The following KIF21B variants were observed in gnomAD, a reference collection of about 807,000 sequenced individuals.
KIF21B encodes kinesin-like protein KIF21B.
A neutral mutation model predicts 192.9 loss-of-function variants in KIF21B; 85 were observed. That is an observed-to-expected ratio of 0.44 (90% confidence interval 0.37 to 0.53). The LOEUF (loss-of-function observed/expected upper bound fraction) is 0.53. Ranked by LOEUF, KIF21B falls within the 20% of genes least tolerant of loss-of-function variation. KIF21B has a pLI of 0.00. For synonymous variants in KIF21B, 832 were observed against 884.6 expected, an observed-to-expected ratio of 0.94 and a Z score of 1.05; for missense variants, 1,716 against 2,194.8, an observed-to-expected ratio of 0.78 and a Z score of 4.36.
At position 200,999,536 on chromosome 1, in the gene KIF21B, G is replaced by A. The variant is rs1019391080; in HGVS notation, c.1768-70C>T. On this transcript the variant is annotated intron_variant, in intron 12 of 34. Transcript: ENST00000461742. This position sits in a 1 kb window ranked among gnomAD's most constrained non-coding sequence, Gnocchi z 4.7. The stretch of plus-strand genomic sequence containing the variant: ...GAGCCCAGAAGCAGAGGTGCATCCC[G>A]ACACAATGCCTCAGGTGTGTCAGGA... 1.3e-5 allele frequency: 20 copies of A among 1,576,398 alleles called. No homozygotes were observed. The East Asian group carries it at 2.0e-4, about 16-fold the overall frequency.
chr1:201,012,027 G>T (rs930604873), intron 1 of KIF21B, among the ~76,000 whole-genome samples: 1 of 152,224 alleles, frequency 6.6e-6, no homozygotes, highest in Admixed American at 6.5e-5. Context: ...GATCAAGACA[G>T]TGGGCAGAAC....
Position 200,992,352 on chromosome 1 carries a change from C to T in KIF21B, c.2315G>A (p.Arg772Gln), listed in dbSNP as rs752174472. 9.3e-6 allele frequency: 15 copies of T among 1,613,196 alleles called. No homozygotes were observed. The highest frequency in any genetic ancestry group is 5.5e-5 in the South Asian group (5 of 91,094). ...LMKQMREEQQRRRLVETKRNR... is the reference protein window; with the variant it reads ...LMKQMREEQQQRRLVETKRNR... ...CCTCTTGGTCTCCACTAGCCGCCGC[C>T]GCTGTTGCTCCTCACGCATCTGCTT... Residue 772 changes from arginine (R) to glutamine (Q), a missense_variant, in exon 16 of 35, where the codon CGG becomes CAG. By Grantham distance (43) the Arg-to-Gln change is conservative (BLOSUM62 1). Transcript: ENST00000461742.
intron 1 of KIF21B, among the ~76,000 whole-genome samples, chr1:201,010,333 G>A (rs1162178540): frequency 6.6e-6 from 1 of 151,830 alleles, no homozygotes; most frequent in Non-Finnish European, 1.5e-5. Context: ...AGCCTGGGGT[G>A]CGCTCCCAAC....
chr1:200,981,188 C>G (rs1231174494), intron 28 of KIF21B, 92 bp from the exon 29 acceptor site: 2 of 1,376,982 alleles, frequency 1.5e-6, no homozygotes, highest in East Asian at 2.5e-5. Flanking sequence ...GGGGACAGGG[C>G]AGGGAGGGGA....
At position 200,972,855 on chromosome 1, in the gene KIF21B, T is replaced by A. The variant is rs1195396135; in HGVS notation, c.*666A>T. 6.6e-6 allele frequency: 1 copy of A among 152,462 alleles called. No homozygotes were observed. The highest frequency in any genetic ancestry group is 1.5e-5 in the Non-Finnish European group (1 of 68,000). The allele number at this position is 152,462 out of a possible 1,614,324, so 9.4% of individuals were successfully genotyped here. A position where few individuals can be genotyped will look rare whatever the true frequency, so the allele number is the denominator to read the frequency against. Reference sequence around the variant, plus strand: ...GTTTCCAGGAGGCAACAGCAAAAAATAAAAATAACAAAATAATAAATAACT... The same window carrying A: ...GTTTCCAGGAGGCAACAGCAAAAAAAAAAAATAACAAAATAATAAATAACT... On this transcript the variant is annotated 3_prime_UTR_variant, in exon 35 of 35. Transcript: ENST00000461742.
intron 3 of KIF21B, among the ~76,000 whole-genome samples, chr1:201,007,243 CAGAG>C (rs1424296288): frequency 7.5e-6 from 1 of 132,914 alleles, no homozygotes. Flanking sequence ...CACACACACA[CAGAG>C]ACAGACACAC....
chr1:201,010,139 C>T (rs1163724634), intron 1 of KIF21B, among the ~76,000 whole-genome samples: 1 of 152,218 alleles, frequency 6.6e-6, no homozygotes, highest in Non-Finnish European at 1.5e-5. Context: ...GAGCTCCCCT[C>T]CCTGACGCCA....
Position 200,988,559 on chromosome 1 carries a change from G to A in KIF21B, c.3299-15C>T. Reference sequence around the variant, plus strand: ...GTAGCCATTCTCTGTGGGAGGGCGGGAGGGAGGGAAAGGGGTTGAGAAGCC... The same window carrying A: ...GTAGCCATTCTCTGTGGGAGGGCGGAAGGGAGGGAAAGGGGTTGAGAAGCC... On this transcript the variant is annotated splice_polypyrimidine_tract_variant and intron_variant, in intron 22 of 34. Transcript: ENST00000461742. The A allele has an allele frequency of 7.2e-7, 1 of 1,398,080 alleles. No individual in the cohort carries two copies. The highest frequency in any genetic ancestry group is 1.0e-6 in the Non-Finnish European group (1 of 1,000,338). 86.6% of individuals were successfully genotyped at this position (1,398,080 alleles called of 1,614,324 possible). A position where few individuals can be genotyped will look rare whatever the true frequency, so the allele number is the denominator to read the frequency against.
intron 28 of KIF21B, 83 bp from the exon 29 acceptor site, chr1:200,981,179 G>A: frequency 6.9e-7 from 1 of 1,447,336 alleles, no homozygotes; most frequent in Non-Finnish European, 9.2e-7. Context: ...GTGTGGGATG[G>A]GGACAGGGCA....
rs1282427318 is a variant in KIF21B, at chr1:200,990,911, C to T, written c.2687+6G>A. 3.7e-6 allele frequency: 6 copies of T among 1,614,004 alleles called. No individual in the cohort carries two copies. The highest frequency in any genetic ancestry group is 1.3e-5 in the African/African-American group (1 of 74,948). ...CACAGGCCAGGGGACTGCCAGTCCA[C>T]CTTACCGGGCAGGACGGGTGCCATT... On this transcript the variant is annotated splice_donor_region_variant and intron_variant, in intron 18 of 34. Transcript: ENST00000461742. This position sits in a 1 kb window ranked among gnomAD's most constrained non-coding sequence, Gnocchi z 5.4.
Position 201,000,246 on chromosome 1 carries a change from C to T in KIF21B, c.1685+144G>A, listed in dbSNP as rs1031233444. On this transcript the variant is annotated intron_variant, in intron 11 of 34. Coordinates refer to ENST00000461742, the MANE Select transcript of KIF21B (RefSeq NM_001252102.2). The surrounding 1 kb of genome is among the most constrained non-coding windows in gnomAD (Gnocchi z 6.0). ...TGAGCAAATCTGCGCCATGAATTCC[C>T]AAGCAATACTGAGGCAGCCCCTGGG... The T allele has an allele frequency of 6.2e-5, 56 of 896,608 alleles. No individual in the cohort carries two copies. Among genetic ancestry groups the T allele is most frequent in the Non-Finnish European group, 8.9e-5 (52 of 583,984 alleles). 55.5% of individuals were successfully genotyped at this position (896,608 alleles called of 1,614,324 possible).
rs1030035532 is a variant in KIF21B, at chr1:200,999,562, G to A, written c.1768-96C>T. 6.4e-7 allele frequency: 1 copy of A among 1,554,090 alleles called. No individual in the cohort carries two copies. Among genetic ancestry groups the A allele is most frequent in the East Asian group, 2.2e-5 (1 of 44,494 alleles). On this transcript the variant is annotated intron_variant, in intron 12 of 34. Transcript: ENST00000461742. The surrounding 1 kb of genome is among the most constrained non-coding windows in gnomAD (Gnocchi z 4.7). ...ACACAATGCCTCAGGTGTGTCAGGA[G>A]GGTGGGGATTGGGGCAGGCCACAGC...
chr1:200,974,337 C>T, intron 34 of KIF21B: 2 of 992,750 alleles, frequency 2.0e-6, no homozygotes, highest in Non-Finnish European at 2.9e-6. Flanking sequence ...GCTCCCCACA[C>T]AGGGGGCCAG....
At chr1:201,014,592 C>A (rs1371307438) in intron 1 of KIF21B, among the ~76,000 whole-genome samples, 2 of 152,234 alleles carry the variant, frequency 1.3e-5, no homozygotes, top group African/African-American at 2.4e-5. Flanking sequence ...CGGGCCTCAT[C>A]CCCAACCTGG....
rs1394664837 is a variant in KIF21B, at chr1:200,990,020, T to C, written c.3054A>G (p.Thr1018=). 1.2e-6 allele frequency: 2 copies of C among 1,613,830 alleles called. No individual in the cohort carries two copies. Among genetic ancestry groups the C allele is most frequent in the African/African-American group, 2.7e-5 (2 of 74,908 alleles). ...ETKEELDSTD[T]SVVISSCSLA... The stretch of plus-strand genomic sequence containing the variant: ...GGGAGCAGGAGCTGATGACCACGGA[T>C]GTGTCTGTGGAGTCCAGCTCCTCCT... Residue 1018 remains threonine, a synonymous_variant, in exon 21 of 35, where the codon ACA becomes ACG. Coordinates refer to ENST00000461742, the MANE Select transcript of KIF21B (RefSeq NM_001252102.2). This position sits in a 1 kb window ranked among gnomAD's most constrained non-coding sequence, Gnocchi z 5.4.
At chr1:201,019,267 A>G (rs1658684315) in intron 1 of KIF21B, among the ~76,000 whole-genome samples, 1 of 152,126 alleles carries the variant, frequency 6.6e-6, no homozygotes, top group Non-Finnish European at 1.5e-5. Flanking sequence ...CATTTTATTT[A>G]TATTCAATTC....
rs921788932 is a variant in KIF21B at position 200,996,330 on chromosome 1, G to A, written c.2143C>T (p.Arg715Trp). The A allele has an allele frequency of 3.1e-6, 5 of 1,614,096 alleles. No homozygotes were observed. Among genetic ancestry groups the A allele is most frequent in the East Asian group, 2.2e-5 (1 of 44,872 alleles). Residue 715 changes from arginine to tryptophan, a missense_variant, in exon 15 of 35, where the codon CGG becomes TGG. By Grantham distance (101) the Arg-to-Trp change is moderately radical (BLOSUM62 -3). Coordinates refer to ENST00000461742, the MANE Select transcript of KIF21B (RefSeq NM_001252102.2). ...KIKADYEKRL[R>W]EMNRDLQKLQ... ...TTCTGCAGGTCCCGGTTCATCTCCC[G>A]CAGCCTCTTCTCATAGTCTGCCTTG...
At chr1:200,979,122 A>G (rs1655746077) in intron 30 of KIF21B, among the ~76,000 whole-genome samples, 1 of 152,180 alleles carries the variant, frequency 6.6e-6, no homozygotes, top group African/African-American at 2.4e-5. Context: ...CCCCTGCCCT[A>G]TGCCTGTGTG....
intron 1 of KIF21B, 45 bp from the exon 2 acceptor site, chr1:201,009,533 G>A (rs762226452): frequency 6.4e-7 from 1 of 1,567,646 alleles, no homozygotes; most frequent in African/African-American, 1.4e-5. Flanking sequence ...AGCTAGAAGG[G>A]GGCTGCCACA....
Sources: gnomAD v4.1 joint callset for allele counts (sites outside exome capture counted in the v4.1 genomes callset) on GRCh38, gnomAD v4.1.1 for gene constraint, Gnocchi (gnomAD v3.1) non-coding constraint, MANE v1.5 for transcripts, NCBI Gene and HGNC (gene_info 2026-07-23, HGNC 2026-07-21) for gene names.